The following GNL3L variants were observed in gnomAD, a reference collection of about 807,000 sequenced individuals.
GNL3L encodes the protein G protein nucleolar 3 like.
A neutral mutation model predicts 42.9 loss-of-function variants in GNL3L; 4 were observed. That is an observed-to-expected ratio of 0.09 (90% confidence interval 0.05 to 0.21). The LOEUF (loss-of-function observed/expected upper bound fraction) is 0.21. Ranked by LOEUF, GNL3L falls within the 10% of genes least tolerant of loss-of-function variation. GNL3L has a pLI of 1.00. For missense variants in GNL3L, 412 were observed against 481.7 expected, an observed-to-expected ratio of 0.86 and a Z score of 1.36; for synonymous variants, 159 against 176.3, an observed-to-expected ratio of 0.90 and a Z score of 0.78.
chrX:54,569,807 A>C (rs1925517811), downstream of GNL3L, among the ~76,000 whole-genome samples: 1 of 112,030 alleles, frequency 8.9e-6, no homozygotes, highest in African/African-American at 3.2e-5. Flanking sequence ...CAAAAAGTTT[A>C]TGATTTTTGT....
downstream of GNL3L, among the ~76,000 whole-genome samples, chrX:54,626,010 A>C (rs1302249097): frequency 9.0e-6 from 1 of 111,633 alleles, no homozygotes; most frequent in Non-Finnish European, 1.9e-5. Context: ...CATATTCATC[A>C]CCTTAAAATA....
chrX:54,597,673 C>T (rs1925948516), intron 16 of GNL3L, among the ~76,000 whole-genome samples: 1 of 111,313 alleles, frequency 9.0e-6, no homozygotes, highest in South Asian at 3.8e-4. Flanking sequence ...TTATTTGTAG[C>T]CCCAGAACAC....
downstream of GNL3L, among the ~76,000 whole-genome samples, chrX:54,626,236 A>T (rs1682597423): frequency 9.0e-6 from 1 of 111,022 alleles, no homozygotes; most frequent in Middle Eastern, 4.6e-3. Context: ...ACTTCCATGA[A>T]CTCAAATTTT....
chrX:54,542,799 T>G (rs1479998516), intron 5 of GNL3L, among the ~76,000 whole-genome samples, 156 bp from the exon 6 acceptor site: 14 of 111,622 alleles, frequency 1.3e-4, no homozygotes, highest in African/African-American at 4.2e-4. Flanking sequence ...TCTAACTGGT[T>G]TGAGATGGTA....
intron 2 of GNL3L, 60 bp from the exon 3 acceptor site, chrX:54,538,980 T>G: frequency 1.4e-6 from 1 of 690,742 alleles, no homozygotes; most frequent in Admixed American, 3.2e-5. Flanking sequence ...TTGATTCAGA[T>G]GTCAACAAAT....
the GNL3L span, among the ~76,000 whole-genome samples, chrX:54,636,010 C>G: frequency 8.9e-6 from 1 of 112,023 alleles, no homozygotes; most frequent in Non-Finnish European, 1.9e-5. Context: ...AGCTCTTGCT[C>G]TCAGTCCTTA....
At position 54,542,995 on chromosome X, in the gene GNL3L, A is replaced by G. The variant is rs1924672295; in HGVS notation, c.347A>G (p.Asp116Gly). 8.4e-7 allele frequency: 1 copy of G among 1,195,419 alleles called. No individual in the cohort carries two copies. The highest frequency in any genetic ancestry group is 1.1e-6 in the Non-Finnish European group (1 of 881,146). The change falls in exon 6 of 16, where the codon GAT (aspartate) becomes GGT (glycine). Residue 116 changes from aspartate to glycine, a missense_variant. Transcript: ENST00000360845. ...LQELNMFPQLDDEATRKAYYK... is the reference protein window; with the variant it reads ...LQELNMFPQLGDEATRKAYYK... ...GAATTAAATATGTTTCCTCAGCTGG[A>G]TGACGAGGCCACGAGGAAGGCTTAT...
intron 16 of GNL3L, among the ~76,000 whole-genome samples, chrX:54,618,424 T>C (rs1229230154): frequency 9.0e-6 from 1 of 111,626 alleles, no homozygotes; most frequent in Non-Finnish European, 1.9e-5. Context: ...AATTCTCTCT[T>C]TTCAACAGAT....
chrX:54,544,081 T>A, intron 7 of GNL3L, 142 bp from the exon 8 acceptor site: 1 of 439,175 alleles, frequency 2.3e-6, no homozygotes, highest in South Asian at 3.6e-5. Flanking sequence ...ACCTGCGGAC[T>A]GGATGGGAAT....
chrX:54,573,170 G>T (rs1289904939), intron 16 of GNL3L, among the ~76,000 whole-genome samples: 7 of 112,242 alleles, frequency 6.2e-5, no homozygotes, highest in African/African-American at 9.7e-5. Context: ...CTGCAATCTC[G>T]GCACTTTGGG....
chrX:54,645,635 C>A, the GNL3L span, among the ~76,000 whole-genome samples: 1 of 111,762 alleles, frequency 8.9e-6, no homozygotes, highest in Non-Finnish European at 1.9e-5. Context: ...TTGTCTGTGG[C>A]TTTCTTACAT....
chrX:54,620,497 G>A lies in GNL3L; in HGVS notation c.*46-348G>A, dbSNP rs142792963. Among the ~76,000 whole-genome samples the A allele has an allele frequency of 6.4e-3, 716 of 111,893 alleles. 8 individuals are homozygous for A. Among genetic ancestry groups the A allele is most frequent in the African/African-American group, 0.022 (674 of 30,790 alleles). On this transcript the variant is annotated intron_variant, in intron 16 of 16. Coordinates refer to the GNL3L transcript ENST00000674498. ...CTTTTTTATGGCCAAATAGTACTCC[G>A]TTGTGTATATGTACCACATTTTTCT...
intron 7 of GNL3L, chrX:54,543,991 T>C: frequency 3.1e-6 from 1 of 324,050 alleles, no homozygotes; most frequent in Non-Finnish European, 5.4e-6. Context: ...AGCTAGTTTG[T>C]CCATTTTCCC....
At chrX:54,588,774 A>T (rs1216327315) in intron 16 of GNL3L, among the ~76,000 whole-genome samples, 1 of 111,901 alleles carries the variant, frequency 8.9e-6, no homozygotes, top group Non-Finnish European at 1.9e-5. Flanking sequence ...GCGGCGAGCC[A>T]AGATCGCGCT....
intron 16 of GNL3L, among the ~76,000 whole-genome samples, chrX:54,608,356 AT>A (rs1926123518): frequency 9.0e-6 from 1 of 111,444 alleles, no homozygotes; most frequent in Admixed American, 9.5e-5. Flanking sequence ...TTTATTTATT[AT>A]TTTTTATTTT....
intron 1 of GNL3L, among the ~76,000 whole-genome samples, chrX:54,531,373 A>C (rs1924240993): frequency 9.0e-6 from 1 of 110,806 alleles, no homozygotes; most frequent in African/African-American, 3.3e-5. Context: ...ATTACCTGGC[A>C]GTTCAGTGCG....
chrX:54,572,476 A>C (rs1925561534), intron 16 of GNL3L, among the ~76,000 whole-genome samples: 1 of 111,928 alleles, frequency 8.9e-6, no homozygotes, highest in Non-Finnish European at 1.9e-5. Flanking sequence ...TCTATTCCAC[A>C]AAGCCGCCAT....
chrX:54,562,794 G>GAA lies in GNL3L; in HGVS notation c.*2206_*2207dup, dbSNP rs375010796. Among the ~76,000 whole-genome samples the GAA allele has an allele frequency of 7.4e-5, 7 of 94,421 alleles. No homozygotes were observed. Among genetic ancestry groups the GAA allele is most frequent in the Non-Finnish European group, 8.6e-5 (4 of 46,736 alleles). 82.0% of individuals were successfully genotyped at this position (94,421 alleles called of 115,157 possible). On this transcript the variant is annotated 3_prime_UTR_variant, in exon 16 of 16. Coordinates refer to ENST00000360845, the MANE Select transcript of GNL3L (RefSeq NM_001184819.2). ...GGGGACAGAGTGAGACTTCGTCTCG[G>GAA]AAAAAAAAAAAAAAAGTTGACAGGA...
At chrX:54,550,462 G>A (rs954386324) in intron 9 of GNL3L, among the ~76,000 whole-genome samples, 1 of 111,390 alleles carries the variant, frequency 9.0e-6, no homozygotes, top group Admixed American at 9.6e-5. Context: ...TGAGAATGAG[G>A]CCCAGTGAGG....
Sources: allele counts gnomAD v4.1 joint callset (sites outside exome capture counted in the v4.1 genomes callset), GRCh38; gene constraint gnomAD v4.1.1; transcripts MANE v1.5; gene names NCBI Gene and HGNC (gene_info 2026-07-23, HGNC 2026-07-21).